UTS2: variants seen among roughly 807,000 people sequenced by gnomAD.
UTS2 encodes urotensin 2, also known as urotensin-2.
UTS2 carries 10 observed loss-of-function variants against 12.6 expected under a neutral mutation model. The observed-to-expected ratio is 0.80, with a 90% CI of 0.49 to 1.35. The LOEUF (loss-of-function observed/expected upper bound fraction) is 1.35, where lower values mean the gene tolerates loss of function less well. Among genes scored for constraint, UTS2 ranks in the 40% most tolerant of loss-of-function variants. The probability of loss-of-function intolerance (pLI) is 0.00; values close to 1 mark genes in which losing one functional copy is unlikely to be tolerated. For synonymous variants in UTS2, 52 were observed against 50.0 expected (o/e 1.04, Z -0.17); for missense variants, 142 against 143.2 (o/e 0.99, Z 0.04).
At chr1:7,890,389 G>A in the UTS2 span, among the ~76,000 whole-genome samples, 1 of 152,080 alleles carries the variant, frequency 6.6e-6, no homozygotes, top group Admixed American at 6.6e-5. Context: ...TGGACAGAGG[G>A]AAGCAAATAC....
chr1:7,890,026 C>T, the UTS2 span, among the ~76,000 whole-genome samples: 9 of 150,986 alleles, frequency 6.0e-5, no homozygotes, highest in African/African-American at 1.5e-4. Context: ...GAGATCGCGC[C>T]GCTGCACTCC....
At chr1:7,849,551 C>T in intron 3 of UTS2, 89 bp downstream of exon 3, 1 of 1,194,184 alleles carries the variant, frequency 8.4e-7, no homozygotes. Context: ...CCACCAAGAA[C>T]ACTCCTCTAG....
At chr1:7,887,480 T>A in the UTS2 span, among the ~76,000 whole-genome samples, 1 of 151,292 alleles carries the variant, frequency 6.6e-6, no homozygotes, top group Non-Finnish European at 1.5e-5. Context: ...ACACTGAGAT[T>A]CAATCTTTGT....
At chr1:7,885,885 C>A in the UTS2 span, among the ~76,000 whole-genome samples, 3 of 17,752 alleles carry the variant, frequency 1.7e-4, no homozygotes, top group African/African-American at 7.8e-4. Flanking sequence ...GCCAGAGGCC[C>A]AGGTGGTGGT....
chr1:7,869,442 G>T, the UTS2 span, among the ~76,000 whole-genome samples: 1 of 152,252 alleles, frequency 6.6e-6, no homozygotes, highest in Non-Finnish European at 1.5e-5. Flanking sequence ...CGTGGGGAAA[G>T]GGCTGCATTC....
upstream of UTS2, among the ~76,000 whole-genome samples, chr1:7,857,950 G>A (rs545084585): frequency 6.6e-6 from 1 of 151,916 alleles, no homozygotes; most frequent in South Asian, 2.1e-4. Flanking sequence ...AAGCACTCAT[G>A]AAGTCTCACA....
the UTS2 span, among the ~76,000 whole-genome samples, chr1:7,898,969 G>T: frequency 2.0e-5 from 3 of 152,102 alleles, no homozygotes; most frequent in African/African-American, 4.8e-5. Context: ...ATTGGCTCGA[G>T]GTTCCATAGG....
At chr1:7,883,394 G>A in the UTS2 span, among the ~76,000 whole-genome samples, 1 of 152,158 alleles carries the variant, frequency 6.6e-6, no homozygotes, top group Admixed American at 6.6e-5. Context: ...TGGGGAGGGG[G>A]TGAAGAGAGG....
the UTS2 span, among the ~76,000 whole-genome samples, chr1:7,860,245 CTT>C: frequency 6.6e-6 from 1 of 152,270 alleles, no homozygotes; most frequent in East Asian, 1.9e-4. Context: ...TGGACGGGCT[CTT>C]TTCCTGGAGA....
the UTS2 span, among the ~76,000 whole-genome samples, chr1:7,893,474 A>G: frequency 7.4e-5 from 11 of 149,238 alleles, no homozygotes; most frequent in Non-Finnish European, 1.2e-4. Context: ...CCTGGACGAC[A>G]GAGCCAGACC....
At chr1:7,862,985 GTTGTGT>G in the UTS2 span, among the ~76,000 whole-genome samples, 140 of 73,806 alleles carry the variant, frequency 1.9e-3, 7 homozygotes, top group African/African-American at 0.011. Flanking sequence ...TATTTATTGT[GTTGTGT>G]TGTATTGTAT....
At chr1:7,891,260 A>G in the UTS2 span, among the ~76,000 whole-genome samples, 1 of 152,282 alleles carries the variant, frequency 6.6e-6, no homozygotes, top group East Asian at 1.9e-4. Context: ...GGTGACTATC[A>G]TTAACGATGC....
At chr1:7,891,313 G>A in the UTS2 span, among the ~76,000 whole-genome samples, 1 of 152,096 alleles carries the variant, frequency 6.6e-6, no homozygotes, top group South Asian at 2.1e-4. Context: ...ATCACCTGAG[G>A]TCAGGAGTTC....
At chr1:7,885,363 C>T in the UTS2 span, among the ~76,000 whole-genome samples, 5 of 152,200 alleles carry the variant, frequency 3.3e-5, no homozygotes, top group African/African-American at 1.2e-4. Context: ...GCCCATGGGT[C>T]TGGGAGGTGG....
the UTS2 span, among the ~76,000 whole-genome samples, chr1:7,864,070 C>T: frequency 6.6e-6 from 1 of 152,248 alleles, no homozygotes; most frequent in Admixed American, 6.5e-5. Flanking sequence ...CTCCAGGTCA[C>T]AGCGAGGCCC....
chr1:7,891,597 A>C, the UTS2 span, among the ~76,000 whole-genome samples: 1 of 150,250 alleles, frequency 6.7e-6, no homozygotes, highest in African/African-American at 2.5e-5. Context: ...AGAAAGAAAG[A>C]AAATTGCCAA....
chr1:7,872,174 G>A, the UTS2 span, among the ~76,000 whole-genome samples: 37 of 151,426 alleles, frequency 2.4e-4, no homozygotes, highest in African/African-American at 8.2e-4. Context: ...GGTGGCACGC[G>A]CCTATAGTCC....
the UTS2 span, among the ~76,000 whole-genome samples, chr1:7,905,114 CT>C: frequency 1.3e-5 from 2 of 149,468 alleles, no homozygotes; most frequent in Non-Finnish European, 1.5e-5. Context: ...GTGAGGGTAT[CT>C]TTTTTTTATG....
the UTS2 span, among the ~76,000 whole-genome samples, chr1:7,890,461 G>C: frequency 6.6e-6 from 1 of 152,094 alleles, no homozygotes; most frequent in Non-Finnish European, 1.5e-5. Context: ...ATAGGAATGT[G>C]ACTCAAAAAT....
Sources: allele counts gnomAD v4.1 joint callset (sites outside exome capture counted in the v4.1 genomes callset), GRCh38; gene constraint gnomAD v4.1.1; transcripts MANE v1.5; gene names NCBI Gene and HGNC (gene_info 2026-07-23, HGNC 2026-07-21).